SUMF1: variants seen among roughly 807,000 people sequenced by gnomAD.
The protein encoded by SUMF1 is sulfatase modifying factor 1.
SUMF1 carries 48 observed loss-of-function variants against 47.6 expected under a neutral mutation model. The observed-to-expected ratio is 1.01, with a 90% CI of 0.80 to 1.28. SUMF1 has a LOEUF of 1.28. Ranked by LOEUF, SUMF1 falls within the 50% of genes most tolerant of loss-of-function variation. The pLI, the probability that SUMF1 is intolerant of heterozygous loss-of-function variation, is 0.00. For synonymous variants in SUMF1, 230 were observed against 192.1 expected (o/e 1.20, Z -1.63); for missense variants, 571 against 485.4 (o/e 1.18, Z -1.66).
At chr3:4,267,640 C>T (rs1697223645) in intron 8 of SUMF1, among the ~76,000 whole-genome samples, 1 of 152,004 alleles carries the variant, frequency 6.6e-6, no homozygotes, top group East Asian at 1.9e-4. Flanking sequence ...AAAAAATGCT[C>T]ACCATAACTG....
intron 8 of SUMF1, among the ~76,000 whole-genome samples, chr3:4,219,262 G>A (rs313681): frequency 0.6 from 91,285 of 152,010 alleles, 27,675 homozygotes; most frequent in South Asian, 0.69. Flanking sequence ...CATTTCAAAC[G>A]TTTTCACATA....
At chr3:4,386,344 A>G (rs531743771) in intron 7 of SUMF1, among the ~76,000 whole-genome samples, 149 of 152,292 alleles carry the variant, frequency 9.8e-4, no homozygotes, top group African/African-American at 3.4e-3. Context: ...AGATTTACAC[A>G]TAAACATTTC....
chr3:4,340,747 C>G (rs1370041188), intron 8 of SUMF1, among the ~76,000 whole-genome samples: 1 of 152,126 alleles, frequency 6.6e-6, no homozygotes, highest in African/African-American at 2.4e-5. Context: ...CGTGTGAGAG[C>G]AAGAATGACT....
intron 8 of SUMF1, among the ~76,000 whole-genome samples, chr3:4,337,183 GTCCCTCCCTCCC>G (rs112358792): frequency 1.5e-5 from 2 of 129,294 alleles, no homozygotes. Context: ...TCTCTTTTCT[GTCCCTCCCTCCC>G]TCCCTCCCTC....
chr3:4,094,091 C>G (rs1481226834), intron 8 of SUMF1, among the ~76,000 whole-genome samples: 3 of 152,004 alleles, frequency 2.0e-5, no homozygotes, highest in Non-Finnish European at 4.4e-5. Context: ...GAAAGACAAT[C>G]AAAGTTGCCT....
At position 4,410,545 on chromosome 3, in the gene SUMF1, A is replaced by AT. The variant is rs1701506348; in HGVS notation, c.954+319_954+320insA. 2.6e-5 allele frequency among the ~76,000 whole-genome samples: 4 copies of AT among 152,336 alleles called. No individual in the cohort carries two copies. The South Asian group carries it at 6.2e-4, about 24-fold the overall frequency. On this transcript the variant is annotated intron_variant, in intron 7 of 8. Coordinates refer to ENST00000272902, the MANE Select transcript of SUMF1 (RefSeq NM_182760.4). ...TAATAGTTCATAATAAAACAGTAAT[A>AT]AACTTTATAGTTATTTATATATCAT... is the stretch of plus-strand genomic sequence containing the variant.
At chr3:4,135,900 C>T (rs925045863) in intron 8 of SUMF1, among the ~76,000 whole-genome samples, 31 of 152,122 alleles carry the variant, frequency 2.0e-4, no homozygotes, top group Admixed American at 4.6e-4. Context: ...ATAAAATACA[C>T]AGGAATCCAA....
At chr3:4,195,866 T>C (rs570802219) in intron 8 of SUMF1, among the ~76,000 whole-genome samples, 4 of 152,116 alleles carry the variant, frequency 2.6e-5, no homozygotes, top group African/African-American at 7.2e-5. Flanking sequence ...ATCTTATCTA[T>C]GAAAAAACAC....
At chr3:4,297,617 G>A (rs1167404185) in intron 8 of SUMF1, among the ~76,000 whole-genome samples, 2 of 124,324 alleles carry the variant, frequency 1.6e-5, no homozygotes, top group Non-Finnish European at 3.2e-5. Flanking sequence ...GCCCAAGCTT[G>A]CCTGGAACTC....
rs576192445 is a variant in SUMF1 at position 4,402,563 on chromosome 3, T to C, written c.954+8302A>G. 1.1e-4 allele frequency among the ~76,000 whole-genome samples: 17 copies of C among 152,328 alleles called. No individual in the cohort carries two copies. In the East Asian group the frequency reaches 2.7e-3, roughly 24 times the overall value. The stretch of plus-strand genomic sequence containing the variant: ...CTCAGGAAATGTAGGCTGACTCCAG[T>C]GCTACAGGGCTTTGCCTTGGGCCCT... On this transcript the variant is annotated intron_variant, in intron 7 of 8. Coordinates refer to ENST00000272902, the MANE Select transcript of SUMF1 (RefSeq NM_182760.4).
chr3:4,167,536 G>A (rs1403980815), intron 8 of SUMF1, among the ~76,000 whole-genome samples: 1 of 152,146 alleles, frequency 6.6e-6, no homozygotes, highest in Non-Finnish European at 1.5e-5. Flanking sequence ...GCACTGATAG[G>A]TGTGTTTTTA....
At chr3:4,127,001 CA>C (rs1394739109) in intron 8 of SUMF1, among the ~76,000 whole-genome samples, 2 of 151,992 alleles carry the variant, frequency 1.3e-5, no homozygotes, top group Non-Finnish European at 2.9e-5. Flanking sequence ...CTACTGTGAC[CA>C]AAAAGTAAAG....
intron 8 of SUMF1, among the ~76,000 whole-genome samples, chr3:4,226,260 G>GTTTTTTTTTTT (rs1559587286): frequency 1.8e-5 from 2 of 110,700 alleles, no homozygotes; most frequent in Non-Finnish European, 3.8e-5. Context: ...TTTTTTTTTT[G>GTTTTTTTTTTT]TTTCTTTTTT....
intron 8 of SUMF1, among the ~76,000 whole-genome samples, chr3:4,131,244 G>A (rs927613178): frequency 2.6e-5 from 4 of 152,082 alleles, no homozygotes; most frequent in African/African-American, 9.7e-5. Flanking sequence ...TCATGACTGG[G>A]CTAGAGCAGG....
At chr3:4,373,202 A>C (rs1357839513) in intron 8 of SUMF1, among the ~76,000 whole-genome samples, 3 of 80,988 alleles carry the variant, frequency 3.7e-5, no homozygotes, top group Non-Finnish European at 1.1e-4. Context: ...ATCGAAAAGA[A>C]GACAAACAGA....
At position 4,115,941 on chromosome 3, in the gene SUMF1, T is replaced by C. The variant is rs149255673; in HGVS notation, c.1015-47196A>G. On this transcript the variant is annotated intron_variant and NMD_transcript_variant, in intron 8 of 12. Transcript: ENST00000448413. ...TGAAAACAGTTCTGGTGTTTAAACATTGGACTCTGGAAACAAAAAAATCAG... is the reference window on the plus strand; with the variant it reads ...TGAAAACAGTTCTGGTGTTTAAACACTGGACTCTGGAAACAAAAAAATCAG... 6.1e-3 allele frequency among the ~76,000 whole-genome samples: 925 copies of C among 152,204 alleles called. 10 individuals carry two copies. The highest frequency in any genetic ancestry group is 0.017 in the Middle Eastern group (5 of 294).
intron 8 of SUMF1, chr3:4,314,312 T>C (rs1376277655): frequency 6.5e-6 from 1 of 153,532 alleles, no homozygotes; most frequent in Non-Finnish European, 1.5e-5. Context: ...AACCTAATAA[T>C]GATCCAAGAA....
chr3:4,399,391 C>A (rs116229090), intron 7 of SUMF1, among the ~76,000 whole-genome samples: 8 of 152,224 alleles, frequency 5.3e-5, no homozygotes, highest in South Asian at 2.1e-4. Context: ...CTCTTCCCCC[C>A]CAAACCATTT....
chr3:4,349,341 C>T (rs1212027149), intron 8 of SUMF1, among the ~76,000 whole-genome samples: 1 of 152,148 alleles, frequency 6.6e-6, no homozygotes, highest in Non-Finnish European at 1.5e-5. Context: ...ACAATAGAGG[C>T]TAGTGAGGCT....
Sources: allele counts gnomAD v4.1 joint callset (sites outside exome capture counted in the v4.1 genomes callset), GRCh38; gene constraint gnomAD v4.1.1; transcripts MANE v1.5; gene names NCBI Gene and HGNC (gene_info 2026-07-23, HGNC 2026-07-21).